LTBP1: variants seen among roughly 807,000 people sequenced by gnomAD.
LTBP1 encodes latent transforming growth factor beta binding protein 1, also known as latent-transforming growth factor beta-binding protein 1.
In LTBP1, 129 loss-of-function variants were observed where a neutral mutation model predicts 207.6. The ratio of observed to expected loss-of-function variants is 0.62; its 90% CI spans 0.54 to 0.72. The LOEUF is 0.72. LTBP1 is among the 30% of genes least tolerant of loss of function. LTBP1 has a pLI of 0.00. For synonymous variants in LTBP1, 963 were observed against 833.7 expected (o/e 1.16, Z -2.67); for missense variants, 2,281 against 2,217.2 (o/e 1.03, Z -0.58).
At chr2:33,289,729 C>A (rs1301648220) in intron 19 of LTBP1, among the ~76,000 whole-genome samples, 1 of 152,080 alleles carries the variant, frequency 6.6e-6, no homozygotes, top group African/African-American at 2.4e-5. Flanking sequence ...AACGCAAAGG[C>A]CTGTTGAACT....
chr2:33,296,672 C>T (rs2093881189), intron 20 of LTBP1, among the ~76,000 whole-genome samples: 1 of 152,096 alleles, frequency 6.6e-6, no homozygotes, highest in African/African-American at 2.4e-5. Context: ...AGACAACTAA[C>T]AGCAATCTAA....
At chr2:33,360,546 A>G (rs749064243) in intron 26 of LTBP1, 51 bp from the exon 27 acceptor site, 1 of 1,191,130 alleles carries the variant, frequency 8.4e-7, no homozygotes, top group Non-Finnish European at 1.2e-6. Context: ...TTGTTGTCTT[A>G]GGTAGTTCTG....
intron 19 of LTBP1, among the ~76,000 whole-genome samples, chr2:33,287,377 G>A (rs1274888485): frequency 2.6e-5 from 4 of 152,150 alleles, no homozygotes; most frequent in African/African-American, 4.8e-5. Context: ...TCTGTACAAT[G>A]TCTCATGTAC....
intron 24 of LTBP1, among the ~76,000 whole-genome samples, chr2:33,319,644 C>T (rs551822910): frequency 6.6e-6 from 1 of 152,216 alleles, no homozygotes; most frequent in South Asian, 2.1e-4. Context: ...CTCTCCCAGT[C>T]GTGTGCCCAG....
chr2:33,252,422 T>C (rs532671012), intron 10 of LTBP1, among the ~76,000 whole-genome samples: 1 of 152,216 alleles, frequency 6.6e-6, no homozygotes, highest in Non-Finnish European at 1.5e-5. Flanking sequence ...ACATACCTAA[T>C]TGCATGCTTG....
In LTBP1 at chr2:32,947,278, G is replaced by T. The variant is rs1300186714; in HGVS notation, c.-47G>T. 1.7e-6 allele frequency: 2 copies of T among 1,199,738 alleles called. No homozygotes were observed. The highest frequency in any genetic ancestry group is 8.2e-5 in the South Asian group (2 of 24,398). The allele number at this position is 1,199,738 out of a possible 1,614,324, so 74.3% of individuals were successfully genotyped here. On this transcript the variant is annotated 5_prime_UTR_variant, in exon 1 of 34. Transcript: ENST00000404816. ...GGAAAGGCGAGCCGCACGGCCGGGG[G>T]AGGGGGCCGGACCGCGCGCGACCGG...
chr2:33,247,697 C>A (rs1037900516), intron 10 of LTBP1, among the ~76,000 whole-genome samples: 2 of 152,232 alleles, frequency 1.3e-5, no homozygotes, highest in African/African-American at 4.8e-5. Flanking sequence ...GAAATATTCT[C>A]TATCTGTGCC....
intron 3 of LTBP1, among the ~76,000 whole-genome samples, chr2:33,087,791 G>A (rs563531136): frequency 1.1e-4 from 16 of 152,136 alleles, no homozygotes; most frequent in African/African-American, 3.9e-4. Context: ...TGCATTTCTC[G>A]AGTTTTCGGA....
chr2:33,115,535 A>G (rs1371831918), intron 4 of LTBP1, among the ~76,000 whole-genome samples: 2 of 152,220 alleles, frequency 1.3e-5, no homozygotes, highest in African/African-American at 4.8e-5. Context: ...ACAAATATTT[A>G]TGAAAAATTA....
chr2:33,354,724 A>ACG (rs2094834485), intron 26 of LTBP1, among the ~76,000 whole-genome samples: 2 of 131,932 alleles, frequency 1.5e-5, no homozygotes, highest in Admixed American at 1.5e-4. Flanking sequence ...ACACACACAC[A>ACG]CACACCATTG....
chr2:32,990,730 G>C (rs1184393014), intron 2 of LTBP1, among the ~76,000 whole-genome samples: 1 of 152,136 alleles, frequency 6.6e-6, no homozygotes. Context: ...GTGGGGAAAA[G>C]TTATATGTGT....
At chr2:33,252,603 A>G (rs1421193696) in intron 10 of LTBP1, 74 bp from the exon 11 acceptor site, 4 of 1,397,408 alleles carry the variant, frequency 2.9e-6, no homozygotes, top group Non-Finnish European at 2.9e-6. Flanking sequence ...CTTAGGGTTC[A>G]TTTTACTATC....
In LTBP1 at chr2:33,176,651, T is replaced by C. The variant is rs370899569; in HGVS notation, c.1202-10205T>C. ...GCCCAGCACTAGATTCTAGAGAAAG[T>C]GGTGAACGAAATAATCTACAGTATA... On this transcript the variant is annotated intron_variant, in intron 5 of 33. Transcript: ENST00000404816. Among the ~76,000 whole-genome samples, 110 of 152,270 alleles carry C rather than the reference T, an allele frequency of 7.2e-4. 1 individual carries two copies. The highest frequency in any genetic ancestry group is 2.6e-3 in the African/African-American group (108 of 41,556).
intron 3 of LTBP1, among the ~76,000 whole-genome samples, chr2:33,089,155 CAAAAAAAA>C (rs61009791): frequency 2.1e-5 from 2 of 96,418 alleles, no homozygotes; most frequent in African/African-American, 3.7e-5. Context: ...GACTCAGTCT[CAAAAAAAA>C]AAAAAAAAAG....
chr2:33,154,134 A>T (rs951635394), intron 5 of LTBP1, among the ~76,000 whole-genome samples: 1 of 152,142 alleles, frequency 6.6e-6, no homozygotes, highest in Non-Finnish European at 1.5e-5. Flanking sequence ...ATTTTGCACC[A>T]CTTGAATGTG....
intron 19 of LTBP1, among the ~76,000 whole-genome samples, chr2:33,286,970 T>C (rs1019464821): frequency 6.6e-6 from 1 of 151,380 alleles, no homozygotes; most frequent in Non-Finnish European, 1.5e-5. Context: ...TTAGGAGATA[T>C]ACCTAATGTT....
chr2:33,057,764 G>T (rs1037004757), intron 3 of LTBP1, among the ~76,000 whole-genome samples: 1 of 152,224 alleles, frequency 6.6e-6, no homozygotes, highest in Non-Finnish European at 1.5e-5. Flanking sequence ...ACTCTAGCTG[G>T]CCTGCAAGCA....
chr2:33,041,990 C>T (rs2076209563), intron 3 of LTBP1, among the ~76,000 whole-genome samples: 1 of 152,160 alleles, frequency 6.6e-6, no homozygotes, highest in South Asian at 2.1e-4. Flanking sequence ...TTAGTTGCTC[C>T]ACATCCTCAT....
intron 5 of LTBP1, among the ~76,000 whole-genome samples, chr2:33,145,204 C>T (rs765564492): frequency 4.0e-5 from 6 of 151,790 alleles, no homozygotes; most frequent in Non-Finnish European, 7.4e-5. Context: ...TAGACTCATG[C>T]AATACTTACT....
Sources: gnomAD v4.1 joint callset for allele counts (sites outside exome capture counted in the v4.1 genomes callset) on GRCh38, gnomAD v4.1.1 for gene constraint, MANE v1.5 for transcripts, NCBI Gene and HGNC (gene_info 2026-07-23, HGNC 2026-07-21) for gene names.